Variants in ITGA9 observed in about 807,000 individuals in gnomAD.
The protein encoded by ITGA9 is integrin subunit alpha 9.
Under a neutral mutation model 127.8 loss-of-function variants are expected in ITGA9, and 56 were observed. The ratio of observed to expected loss-of-function variants is 0.44; its 90% CI spans 0.35 to 0.55. The LOEUF is 0.55. Among genes scored for constraint, ITGA9 ranks in the 20% least tolerant of loss-of-function variants. The pLI is 0.00. For synonymous variants in ITGA9, 508 were observed against 514.5 expected (o/e 0.99, Z 0.17); for missense variants, 1,196 against 1,347.1 (o/e 0.89, Z 1.76).
intron 16 of ITGA9, among the ~76,000 whole-genome samples, chr3:37,643,366 T>C (rs1700350041): frequency 6.6e-6 from 1 of 152,250 alleles, no homozygotes; most frequent in Non-Finnish European, 1.5e-5. Flanking sequence ...TGGAGAAGTC[T>C]GGCCTTATCT....
chr3:37,737,744 G>C (rs897751881), intron 20 of ITGA9, among the ~76,000 whole-genome samples: 2 of 152,144 alleles, frequency 1.3e-5, no homozygotes, highest in African/African-American at 4.8e-5. Flanking sequence ...GACACCCAAG[G>C]CAACCTTTTC....
intron 27 of ITGA9, among the ~76,000 whole-genome samples, chr3:37,810,766 T>C (rs1697359413): frequency 6.6e-6 from 1 of 152,214 alleles, no homozygotes; most frequent in South Asian, 2.1e-4. Flanking sequence ...AAAATCAGCT[T>C]CAGCAAAGCC....
intron 26 of ITGA9, among the ~76,000 whole-genome samples, chr3:37,791,423 C>T (rs575292185): frequency 1.1e-4 from 16 of 152,074 alleles, no homozygotes; most frequent in East Asian, 5.8e-4. Context: ...AGAATGGATT[C>T]GAAGGCTATC....
At chr3:37,789,720 G>C (rs1446042803) in intron 26 of ITGA9, among the ~76,000 whole-genome samples, 3 of 119,926 alleles carry the variant, frequency 2.5e-5, no homozygotes, top group Non-Finnish European at 4.8e-5. Context: ...AGTGAGCTGA[G>C]ATCACGCCAC....
intron 19 of ITGA9, among the ~76,000 whole-genome samples, chr3:37,734,522 C>G (rs1261163340): frequency 6.6e-6 from 1 of 152,220 alleles, no homozygotes; most frequent in Non-Finnish European, 1.5e-5. Flanking sequence ...GGGAGTCTCT[C>G]TCTGTCGCCC....
intron 17 of ITGA9, among the ~76,000 whole-genome samples, chr3:37,675,688 C>T (rs551220989): frequency 6.6e-6 from 1 of 150,776 alleles, no homozygotes; most frequent in Non-Finnish European, 1.5e-5. Flanking sequence ...TTCACTAAAG[C>T]ATTTTATAAG....
chr3:37,558,228 A>G (rs1699449838), intron 15 of ITGA9, among the ~76,000 whole-genome samples: 1 of 152,170 alleles, frequency 6.6e-6, no homozygotes, highest in Non-Finnish European at 1.5e-5. Context: ...TGGCCTCTGC[A>G]GTTTAAACAA....
At chr3:37,695,980 TG>T (rs1700881283) in intron 18 of ITGA9, among the ~76,000 whole-genome samples, 1 of 152,220 alleles carries the variant, frequency 6.6e-6, no homozygotes, top group East Asian at 1.9e-4. Flanking sequence ...CTTTCCCTGA[TG>T]GTGCTTTTTG....
intron 8 of ITGA9, among the ~76,000 whole-genome samples, chr3:37,511,397 C>T (rs573109256): frequency 3.3e-5 from 5 of 152,234 alleles, no homozygotes; most frequent in South Asian, 2.1e-4. Flanking sequence ...ATTGAATTAA[C>T]GGAGTATGTG....
In ITGA9 at chr3:37,736,922, T is replaced by C; in HGVS notation, c.2173T>C (p.Phe725Leu). 1 of 1,613,374 alleles carries C rather than the reference T, an allele frequency of 6.2e-7. No homozygotes were observed. Among genetic ancestry groups the C allele is most frequent in the Non-Finnish European group, 8.5e-7 (1 of 1,179,260 alleles). ...SKSKYEFSVIFDTSHLSGEEE... is the reference protein window; with the variant it reads ...SKSKYEFSVILDTSHLSGEEE... ...TCACTAGTATGAATTCAGCGTGATC[T>C]TTGATACAAGCCACCTGTCTGGGGA... Residue 725 changes from phenylalanine (F) to leucine (L), a missense_variant, in exon 20 of 28, where the codon TTT becomes CTT. Phe to Leu is a conservative substitution (Grantham distance 22, BLOSUM62 0). Coordinates refer to ENST00000264741, the MANE Select transcript of ITGA9 (RefSeq NM_002207.3).
chr3:37,555,258 A>T (rs561309990), intron 15 of ITGA9, among the ~76,000 whole-genome samples: 5 of 152,332 alleles, frequency 3.3e-5, no homozygotes, highest in South Asian at 2.1e-4. Context: ...AGGTTGGAAG[A>T]TGTCTAAGTA....
At chr3:37,732,653 T>G in intron 18 of ITGA9, 59 bp from the exon 19 acceptor site, 1 of 1,320,232 alleles carries the variant, frequency 7.6e-7, no homozygotes, top group Non-Finnish European at 1.1e-6. Context: ...CCGTGGAGCC[T>G]GCTCCCACAC....
chr3:37,483,318 A>T lies in ITGA9; in HGVS notation c.544+1711A>T, dbSNP rs965609476. Among the ~76,000 whole-genome samples, 33 of 152,304 alleles carry T rather than the reference A, an allele frequency of 2.2e-4. 1 individual carries two copies. The highest frequency in any genetic ancestry group is 3.8e-4 in the Non-Finnish European group (26 of 68,022). Reference sequence around the variant, plus strand: ...TCCACGAGGCTCATAATTCTGCATTACTTTCTATTAAGTAGCTGTGGATCA... The same window carrying T: ...TCCACGAGGCTCATAATTCTGCATTTCTTTCTATTAAGTAGCTGTGGATCA... On this transcript the variant is annotated intron_variant, in intron 4 of 27. Transcript: ENST00000264741.
chr3:37,815,286 C>A (rs1282813345), intron 27 of ITGA9, among the ~76,000 whole-genome samples: 1 of 152,136 alleles, frequency 6.6e-6, no homozygotes, highest in Non-Finnish European at 1.5e-5. Context: ...GAAAGTGAGC[C>A]AGCTTTTGCT....
intron 22 of ITGA9, chr3:37,748,183 GT>G: frequency 5.4e-5 from 25 of 459,938 alleles, no homozygotes; most frequent in East Asian, 1.1e-4. Context: ...ACATGGAGTT[GT>G]TTTTTTGGCC....
At chr3:37,553,369 C>G (rs1436117047) in intron 15 of ITGA9, among the ~76,000 whole-genome samples, 2 of 152,228 alleles carry the variant, frequency 1.3e-5, no homozygotes, top group African/African-American at 2.4e-5. Context: ...AAATCCCGCA[C>G]TATTGCATTT....
At chr3:37,778,749 T>TA (rs1206631885) in intron 24 of ITGA9, among the ~76,000 whole-genome samples, 1 of 151,100 alleles carries the variant, frequency 6.6e-6, no homozygotes, top group African/African-American at 2.4e-5. Flanking sequence ...TCCTTTTTTT[T>TA]ATCTTTGGTT....
chr3:37,709,270 G>A (rs944605978), intron 18 of ITGA9, among the ~76,000 whole-genome samples: 4 of 152,082 alleles, frequency 2.6e-5, no homozygotes, highest in African/African-American at 9.7e-5. Flanking sequence ...CCCAGTCATG[G>A]TGCTGACCTG....
chr3:37,657,592 G>A (rs1700491150), intron 17 of ITGA9, among the ~76,000 whole-genome samples: 1 of 147,880 alleles, frequency 6.8e-6, no homozygotes. Context: ...TTCTTTATTA[G>A]TGTGGCTAGT....
Sources: gnomAD v4.1 joint callset for allele counts (sites outside exome capture counted in the v4.1 genomes callset) on GRCh38, gnomAD v4.1.1 for gene constraint, MANE v1.5 for transcripts, NCBI Gene and HGNC (gene_info 2026-07-23, HGNC 2026-07-21) for gene names.